DDX3X: variants seen among roughly 807,000 people sequenced by gnomAD.
DDX3X encodes the protein DEAD-box helicase 3 X-linked, also known as ATP-dependent RNA helicase DDX3X.
In DDX3X, 4 loss-of-function variants were observed where a neutral mutation model predicts 52.7. The ratio of observed to expected loss-of-function variants is 0.08; its 90% CI spans 0.04 to 0.17. DDX3X has a LOEUF of 0.17. DDX3X is among the 10% of genes least tolerant of loss of function. The pLI is 1.00. For missense variants in DDX3X, 222 were observed against 548.6 expected (o/e 0.40, Z 5.95); for synonymous variants, 192 against 178.1 (o/e 1.08, Z -0.62).
At chrX:41,338,260 C>A (rs934609927) in intron 2 of DDX3X, 3 of 110,829 alleles carry the variant, frequency 2.7e-5, no homozygotes, top group Non-Finnish European at 5.7e-5. Context: ...GATGTGTCCT[C>A]ATTTTTAGGC....
intron 5 of DDX3X, among the ~76,000 whole-genome samples, chrX:41,356,753 G>A (rs762130238): frequency 9.1e-6 from 1 of 109,958 alleles, no homozygotes; most frequent in African/African-American, 3.3e-5. Flanking sequence ...GTGAGCCACC[G>A]TGCCCGGCCG....
intron 6 of DDX3X, 31 bp from the exon 7 acceptor site, chrX:41,343,185 G>A (rs763097796): frequency 8.4e-7 from 1 of 1,190,681 alleles, no homozygotes; most frequent in South Asian, 1.9e-5. Flanking sequence ...GCTCTAGATA[G>A]CATTCCTAAC....
At chrX:41,346,115 C>T (rs2063920087) in intron 12 of DDX3X, 114 bp from the exon 13 acceptor site, 19 of 635,466 alleles carry the variant, frequency 3.0e-5, no homozygotes, top group South Asian at 1.3e-4. Context: ...GTTGAAAGCC[C>T]GTTTTTAAGA....
Position 41,337,642 on chromosome X carries a change from C to CT in DDX3X, c.103+193dup, listed in dbSNP as rs5902274. On this transcript the variant is annotated intron_variant, in intron 2 of 16. Coordinates refer to ENST00000644876, the MANE Select transcript of DDX3X (RefSeq NM_001356.5). ...AGTGATCAATCTAAAGCATCGTTGCCTTTTTTTTTTTTTTTTGGTTGAGAT... is the reference window on the plus strand; with the variant it reads ...AGTGATCAATCTAAAGCATCGTTGCCTTTTTTTTTTTTTTTTTGGTTGAGAT... The CT allele has an allele frequency of 0.024, 6,630 of 281,130 alleles. 10 individuals carry two copies. Among genetic ancestry groups the CT allele is most frequent in the Non-Finnish European group, 0.029 (4,896 of 167,419 alleles). 23.2% of individuals were successfully genotyped at this position (281,130 alleles called of 1,213,427 possible).
intron 5 of DDX3X, chrX:41,357,699 G>A: frequency 3.7e-6 from 1 of 268,907 alleles, no homozygotes; most frequent in Non-Finnish European, 6.5e-6. Context: ...GCCTCCCAAA[G>A]TGCTGGGATT....
chrX:41,340,695 G>A, intron 3 of DDX3X: 1 of 290,577 alleles, frequency 3.4e-6, no homozygotes, highest in Non-Finnish European at 6.0e-6. Flanking sequence ...ACTACAATTT[G>A]ACATTAGTGT....
At chrX:41,339,362 T>A (rs781646736) in intron 3 of DDX3X, 3 of 146,287 alleles carry the variant, frequency 2.1e-5, no homozygotes, top group African/African-American at 9.3e-5. Flanking sequence ...TTTGTAATCA[T>A]TCACAGCATG....
rs191081782 is a variant in DDX3X, at chrX:41,363,293, C to T, written c.655-981C>T. On this transcript the variant is annotated intron_variant, in intron 5 of 5. Transcript: ENST00000616050. ...TACAAAAATTAGCTGGGCATGGTGG[C>T]AGGCGCCTGTAGTCCCAGCTACATG... Among the ~76,000 whole-genome samples the T allele has an allele frequency of 1.1e-4, 12 of 110,644 alleles. No homozygotes were observed. In the East Asian group the frequency reaches 2.6e-3, roughly 24 times the overall value.
intron 10 of DDX3X, 33 bp downstream of exon 10, chrX:41,344,432 T>C (rs776493849): frequency 1.7e-6 from 2 of 1,199,084 alleles, no homozygotes. Flanking sequence ...TTTTTTGTTT[T>C]GTTTTGTTTT....
chrX:41,361,369 GGGTGTGGT>G (rs1285337328), intron 5 of DDX3X, among the ~76,000 whole-genome samples: 1 of 109,375 alleles, frequency 9.1e-6, no homozygotes, highest in African/African-American at 3.3e-5. Flanking sequence ...AAAATTAGCC[GGGTGTGGT>G]GGCTGGCACC....
At chrX:41,362,083 C>CTTTTT (rs1176759189) in intron 5 of DDX3X, among the ~76,000 whole-genome samples, 4 of 72,729 alleles carry the variant, frequency 5.5e-5, no homozygotes, top group African/African-American at 1.7e-4. Context: ...AAATAATTAA[C>CTTTTT]TTTTTTTTTT....
At chrX:41,336,835 T>C (rs1326758975) in intron 1 of DDX3X, 1 of 112,940 alleles carries the variant, frequency 8.9e-6, no homozygotes, top group Non-Finnish European at 1.9e-5. Flanking sequence ...TGCTATTTTT[T>C]TGTTGTTCTT....
chrX:41,348,183 C>G lies in DDX3X; in HGVS notation c.*464C>G. The G allele has an allele frequency of 4.3e-6, 1 of 234,455 alleles. No homozygotes were observed. The highest frequency in any genetic ancestry group is 6.7e-5 in the East Asian group (1 of 14,909). 19.3% of individuals were successfully genotyped at this position (234,455 alleles called of 1,213,427 possible). A position where few individuals can be genotyped will look rare whatever the true frequency, so the allele number is the denominator to read the frequency against. ...TACAACTTAACAGGAATCATCGATTCATCCATAAATAATATAAGGAAAAAC... is the reference window on the plus strand; with the variant it reads ...TACAACTTAACAGGAATCATCGATTGATCCATAAATAATATAAGGAAAAAC... On this transcript the variant is annotated 3_prime_UTR_variant, in exon 17 of 17. Coordinates refer to ENST00000644876, the MANE Select transcript of DDX3X (RefSeq NM_001356.5).
Position 41,347,415 on chromosome X carries a change from G to A in DDX3X, c.1873G>A (p.Gly625Arg), listed in dbSNP as rs1200557241. 1.7e-6 allele frequency: 2 copies of A among 1,211,520 alleles called. No homozygotes were observed. The highest frequency in any genetic ancestry group is 2.2e-5 in the Admixed American group (1 of 45,989). The change falls in exon 16 of 17, where the codon GGA (glycine) becomes AGA (arginine). Residue 625 changes from glycine (G) to arginine (R), a missense_variant. Coordinates refer to ENST00000644876, the MANE Select transcript of DDX3X (RefSeq NM_001356.5). ...CCGCGCAAGCAGCAGCCGCAGTGGCGGAGGTGGCCACGGTAGCAGCAGAGG... is the reference window on the plus strand; with the variant it reads ...CCGCGCAAGCAGCAGCCGCAGTGGCAGAGGTGGCCACGGTAGCAGCAGAGG... ...SSRASSSRSG[G>R]GGHGSSRGFG...
chrX:41,352,118 CTAAA>C (rs199574960), downstream of DDX3X, among the ~76,000 whole-genome samples: 7,273 of 111,161 alleles, frequency 0.065, 221 homozygotes, highest in East Asian at 0.12. Flanking sequence ...AATGGATAAA[CTAAA>C]TATATACATA....
Position 41,348,092 on chromosome X carries a change from C to G in DDX3X, c.*373C>G, listed in dbSNP as rs1001408656. ...GTTGGCTCAGTAATGCTCAAGATAT[C>G]AATTGTTTTGACAAAATAAATTTAC... On this transcript the variant is annotated 3_prime_UTR_variant, in exon 17 of 17. Transcript: ENST00000644876. 1 of 286,565 alleles carries G rather than the reference C, an allele frequency of 3.5e-6. No homozygotes were observed. Among genetic ancestry groups the G allele is most frequent in the East Asian group, 5.0e-5 (1 of 20,128 alleles). The allele number at this position is 286,565 out of a possible 1,213,427, so 23.6% of individuals were successfully genotyped here.
At chrX:41,356,929 C>CTTTTT (rs35577255) in intron 5 of DDX3X, among the ~76,000 whole-genome samples, 8 of 55,911 alleles carry the variant, frequency 1.4e-4, no homozygotes, top group East Asian at 8.6e-4. Flanking sequence ...CACACTAATT[C>CTTTTT]TTTTTTTTTT....
intron 5 of DDX3X, among the ~76,000 whole-genome samples, chrX:41,360,718 C>T (rs2064026441): frequency 9.0e-6 from 1 of 111,066 alleles, no homozygotes; most frequent in African/African-American, 3.3e-5. Context: ...GCTAGGATTA[C>T]AGGCATGAGC....
chrX:41,347,063 C>T (rs375120296), intron 15 of DDX3X, 51 bp downstream of exon 15: 5 of 1,118,747 alleles, frequency 4.5e-6, no homozygotes, highest in South Asian at 2.0e-5. Context: ...ACTTACAGTT[C>T]ATAGTGTTTC....
Sources: gnomAD v4.1 joint callset for allele counts (sites outside exome capture counted in the v4.1 genomes callset) on GRCh38, gnomAD v4.1.1 for gene constraint, MANE v1.5 for transcripts, NCBI Gene and HGNC (gene_info 2026-07-23, HGNC 2026-07-21) for gene names.